The following BCAS3 variants were observed in gnomAD, a reference collection of about 807,000 sequenced individuals.
The protein encoded by BCAS3 is BCAS3 microtubule associated cell migration factor.
In BCAS3, 53 loss-of-function variants were observed where a neutral mutation model predicts 116.1. The observed-to-expected ratio is 0.46, with a 90% CI of 0.37 to 0.57. The LOEUF (loss-of-function observed/expected upper bound fraction) is 0.57. BCAS3 is among the 20% of genes least tolerant of loss of function. BCAS3 has a pLI of 0.00. For missense variants in BCAS3, 917 were observed against 1,165.4 expected (o/e 0.79, Z 3.10); for synonymous variants, 391 against 408.2 (o/e 0.96, Z 0.51).
At chr17:61,369,169 C>G (rs3785842) in intron 23 of BCAS3, among the ~76,000 whole-genome samples, 91,353 of 151,970 alleles carry the variant, frequency 0.6, 31,009 homozygotes, top group Non-Finnish European at 0.78. Flanking sequence ...ATACAGCCTG[C>G]CTCTTCTTTC....
intron 17 of BCAS3, among the ~76,000 whole-genome samples, chr17:61,036,824 C>T (rs2067071319): frequency 6.6e-6 from 1 of 152,154 alleles, no homozygotes; most frequent in African/African-American, 2.4e-5. Context: ...CTTCATTTAC[C>T]ATGGCGCCAG....
Position 60,854,884 on chromosome 17 carries a change from A to G in BCAS3, c.477-13692A>G, listed in dbSNP as rs1022305279. On this transcript the variant is annotated intron_variant, in intron 7 of 23. Transcript: ENST00000407086. ...TTGCCCTTCAGTAGATGAATGGATT[A>G]ACAAACTGTGGTATATTCATAAAAT... 3.3e-5 allele frequency among the ~76,000 whole-genome samples: 5 copies of G among 152,188 alleles called. No individual in the cohort carries two copies. In the East Asian group the frequency reaches 9.6e-4, roughly 29 times the overall value.
At chr17:60,754,680 T>TACACACAC (rs772900751) in intron 6 of BCAS3, among the ~76,000 whole-genome samples, 174 of 145,442 alleles carry the variant, frequency 1.2e-3, no homozygotes, top group African/African-American at 4.5e-3. Flanking sequence ...AAATTTAAAA[T>TACACACAC]ACACACACAC....
intron 7 of BCAS3, among the ~76,000 whole-genome samples, chr17:60,853,877 A>G (rs1398249467): frequency 6.6e-6 from 1 of 152,140 alleles, no homozygotes; most frequent in Non-Finnish European, 1.5e-5. Context: ...ACTCCATTGA[A>G]TGGATATATC....
Position 61,368,102 on chromosome 17 carries a change from A to G in BCAS3, c.2426-225A>G. On this transcript the variant is annotated intron_variant, in intron 22 of 23. Coordinates refer to ENST00000407086, the MANE Select transcript of BCAS3 (RefSeq NM_017679.5). The surrounding 1 kb of genome is among the most constrained non-coding windows in gnomAD (Gnocchi z 6.0). ...CCTGTAGCTCCTCAGAAACAGTTGT[A>G]AAACCACCAGCCTCAGTGTCACGGA... The G allele has an allele frequency of 2.5e-6, 1 of 407,496 alleles. No homozygotes were observed. Among genetic ancestry groups the G allele is most frequent in the Non-Finnish European group, 4.3e-6 (1 of 231,266 alleles). 25.2% of individuals were successfully genotyped at this position (407,496 alleles called of 1,614,324 possible). A position where few individuals can be genotyped will look rare whatever the true frequency, so the allele number is the denominator to read the frequency against.
intron 22 of BCAS3, among the ~76,000 whole-genome samples, chr17:61,173,489 A>T (rs572528552): frequency 6.6e-6 from 1 of 152,248 alleles, no homozygotes; most frequent in East Asian, 1.9e-4. Context: ...GAAAATTAAA[A>T]CATATCAAAA....
At chr17:61,210,352 T>C (rs1358917507) in intron 22 of BCAS3, among the ~76,000 whole-genome samples, 1 of 152,196 alleles carries the variant, frequency 6.6e-6, no homozygotes, top group African/African-American at 2.4e-5. Flanking sequence ...ACAATTTTTC[T>C]AATACAGTGG....
chr17:61,103,083 T>C (rs961361409), intron 22 of BCAS3, among the ~76,000 whole-genome samples: 1 of 152,182 alleles, frequency 6.6e-6, no homozygotes, highest in African/African-American at 2.4e-5. Context: ...TATGAAGATA[T>C]ATTCCAATAA....
chr17:60,839,680 A>G (rs1298199132), intron 7 of BCAS3, among the ~76,000 whole-genome samples: 1 of 152,202 alleles, frequency 6.6e-6, no homozygotes, highest in African/African-American at 2.4e-5. Flanking sequence ...AAATGAGAAT[A>G]CAAATAATGT....
At chr17:60,963,218 C>G (rs562000059) in intron 14 of BCAS3, among the ~76,000 whole-genome samples, 1 of 151,540 alleles carries the variant, frequency 6.6e-6, no homozygotes, top group South Asian at 2.1e-4. Context: ...TATTTGTGGT[C>G]TTTTGTGGCT....
intron 19 of BCAS3, among the ~76,000 whole-genome samples, chr17:61,045,885 T>A (rs1241794658): frequency 5.2e-5 from 2 of 38,476 alleles, no homozygotes; most frequent in East Asian, 6.5e-4. Flanking sequence ...AAATATATAT[T>A]ATATATATAA....
intron 11 of BCAS3, among the ~76,000 whole-genome samples, chr17:60,905,351 G>A (rs2058133120): frequency 6.6e-6 from 1 of 152,138 alleles, no homozygotes; most frequent in Non-Finnish European, 1.5e-5. Flanking sequence ...TTTAACAGGA[G>A]AAAATTATAT....
At chr17:61,038,382 A>G (rs746237732) in intron 18 of BCAS3, among the ~76,000 whole-genome samples, 21 of 149,362 alleles carry the variant, frequency 1.4e-4, no homozygotes, top group Non-Finnish European at 2.5e-4. Flanking sequence ...CCACTTGAGT[A>G]GCTGGGACTA....
chr17:60,969,656 C>A (rs1441861534), intron 14 of BCAS3, among the ~76,000 whole-genome samples: 2 of 152,070 alleles, frequency 1.3e-5, no homozygotes, highest in African/African-American at 4.8e-5. Context: ...TGTTGAAAGA[C>A]ATACATTTAC....
At chr17:60,827,265 G>A (rs2050513817) in intron 7 of BCAS3, among the ~76,000 whole-genome samples, 1 of 152,230 alleles carries the variant, frequency 6.6e-6, no homozygotes, top group African/African-American at 2.4e-5. Flanking sequence ...CATGTTAGGT[G>A]TGCCTCATAC....
At chr17:61,114,923 A>C (rs1001491580) in intron 22 of BCAS3, among the ~76,000 whole-genome samples, 1 of 152,138 alleles carries the variant, frequency 6.6e-6, no homozygotes, top group Non-Finnish European at 1.5e-5. Context: ...CAGAGCCCTC[A>C]GAAATAACGC....
In BCAS3 at chr17:61,316,837, T is replaced by C. The variant is rs1352111952; in HGVS notation, c.2426-51490T>C. Among the ~76,000 whole-genome samples, 1 of 152,214 alleles carries C rather than the reference T, an allele frequency of 6.6e-6. No homozygotes were observed. The highest frequency in any genetic ancestry group is 1.5e-5 in the Non-Finnish European group (1 of 68,048). ...TTCCTGCCATGTAGGTTTATTAAATTAACAGTTGCAATTTATGTTTAGCGG... is the reference window on the plus strand; with the variant it reads ...TTCCTGCCATGTAGGTTTATTAAATCAACAGTTGCAATTTATGTTTAGCGG... On this transcript the variant is annotated intron_variant, in intron 22 of 23. Coordinates refer to ENST00000407086, the MANE Select transcript of BCAS3 (RefSeq NM_017679.5). This position sits in a 1 kb window ranked among gnomAD's most constrained non-coding sequence, Gnocchi z 5.8.
At position 60,861,099 on chromosome 17, in the gene BCAS3, G is replaced by A. The variant is rs539531818; in HGVS notation, c.477-7477G>A. On this transcript the variant is annotated intron_variant, in intron 7 of 23. Coordinates refer to ENST00000407086, the MANE Select transcript of BCAS3 (RefSeq NM_017679.5). Reference sequence around the variant, plus strand: ...CTTTGGGTAGTATGGACATTTTAACGATATTGAGTCTTCCTATCCATGAGC... The same window carrying A: ...CTTTGGGTAGTATGGACATTTTAACAATATTGAGTCTTCCTATCCATGAGC... Among the ~76,000 whole-genome samples, 26 of 152,182 alleles carry A rather than the reference G, an allele frequency of 1.7e-4. No homozygotes were observed. The South Asian group carries it at 4.8e-3, about 28-fold the overall frequency.
chr17:61,145,128 AT>A lies in BCAS3; in HGVS notation c.2425+60569del, dbSNP rs1156386631. Among the ~76,000 whole-genome samples, 1 of 152,118 alleles carries A rather than the reference AT, an allele frequency of 6.6e-6. No homozygotes were observed. Among genetic ancestry groups the A allele is most frequent in the East Asian group, 1.9e-4 (1 of 5,192 alleles). Reference sequence around the variant, plus strand: ...GGCTCGCCTCACCGGCAGTAATTTAATTTTTCCTTCATTCTGACTCGGAAAT... The same window carrying A: ...GGCTCGCCTCACCGGCAGTAATTTAATTTTCCTTCATTCTGACTCGGAAAT... On this transcript the variant is annotated intron_variant, in intron 22 of 23. Coordinates refer to ENST00000407086, the MANE Select transcript of BCAS3 (RefSeq NM_017679.5). The surrounding 1 kb of genome is among the most constrained non-coding windows in gnomAD (Gnocchi z 5.0).
Sources: gnomAD v4.1 joint callset for allele counts (sites outside exome capture counted in the v4.1 genomes callset) on GRCh38, gnomAD v4.1.1 for gene constraint, Gnocchi (gnomAD v3.1) non-coding constraint, MANE v1.5 for transcripts, NCBI Gene and HGNC (gene_info 2026-07-23, HGNC 2026-07-21) for gene names.